Variants in MACROD2 observed in about 807,000 individuals in gnomAD.
MACROD2 encodes the protein ADP-ribose glycohydrolase MACROD2.
Under a neutral mutation model 70.4 loss-of-function variants are expected in MACROD2, and 36 were observed. The observed-to-expected ratio is 0.51, with a 90% CI of 0.39 to 0.68. MACROD2 has a LOEUF of 0.68. Ranked by LOEUF, MACROD2 falls within the 30% of genes least tolerant of loss-of-function variation. The pLI is 0.00. For missense variants in MACROD2, 496 were observed against 538.4 expected (o/e 0.92, Z 0.78); for synonymous variants, 172 against 178.8 (o/e 0.96, Z 0.30).
chr20:15,797,241 G>C (rs2063682642), intron 8 of MACROD2, among the ~76,000 whole-genome samples: 2 of 152,196 alleles, frequency 1.3e-5, no homozygotes, highest in South Asian at 4.1e-4. Context: ...AGCCTCCCTA[G>C]TAGCTGGGAC....
chr20:15,828,448 C>T (rs1415900526), intron 8 of MACROD2, among the ~76,000 whole-genome samples: 3 of 152,160 alleles, frequency 2.0e-5, no homozygotes, highest in South Asian at 2.1e-4. Flanking sequence ...TCAGATTCTA[C>T]TCTACTTCCG....
At chr20:14,085,538 T>A in intron 2 of MACROD2, 83 bp from the exon 3 acceptor site, 1 of 716,540 alleles carries the variant, frequency 1.4e-6, no homozygotes, top group Non-Finnish European at 2.1e-6. Flanking sequence ...ATATTGGGTC[T>A]TGTAGTAGTC....
intron 5 of MACROD2, among the ~76,000 whole-genome samples, chr20:15,029,490 A>G (rs1347253665): frequency 1.3e-5 from 2 of 152,184 alleles, no homozygotes; most frequent in African/African-American, 4.8e-5. Flanking sequence ...TAGAATTTTC[A>G]TATCTAACAA....
intron 5 of MACROD2, among the ~76,000 whole-genome samples, chr20:15,180,868 A>T (rs778724071): frequency 2.0e-5 from 3 of 152,242 alleles, no homozygotes; most frequent in Admixed American, 2.0e-4. Context: ...TTTTCTAGTT[A>T]TAATCATCAT....
chr20:15,803,499 A>C (rs1461433960), intron 8 of MACROD2, among the ~76,000 whole-genome samples: 2 of 152,176 alleles, frequency 1.3e-5, no homozygotes. Flanking sequence ...GTTGAGGAGG[A>C]GATCATTATG....
intron 3 of MACROD2, among the ~76,000 whole-genome samples, chr20:14,368,860 C>G (rs1399057630): frequency 6.6e-6 from 1 of 152,194 alleles, no homozygotes; most frequent in South Asian, 2.1e-4. Flanking sequence ...CAAAAAACCT[C>G]TCCTAATGTT....
intron 15 of MACROD2, among the ~76,000 whole-genome samples, chr20:16,007,405 A>G (rs2066803749): frequency 6.6e-6 from 1 of 152,180 alleles, no homozygotes; most frequent in African/African-American, 2.4e-5. Flanking sequence ...CAACACCTTC[A>G]CTTTATAACA....
In MACROD2 at chr20:13,995,643, A is replaced by C; in HGVS notation, c.-121A>C. ...GCGAGCGGCGAGCAGCGCAGGACGC[A>C]GAGCCTCTTTCACTTTTTCCCTGCT... On this transcript the variant is annotated 5_prime_UTR_variant, in exon 1 of 18. Coordinates refer to ENST00000684519, the MANE Select transcript of MACROD2 (RefSeq NM_001351661.2). This position sits in a 1 kb window ranked among gnomAD's most constrained non-coding sequence, Gnocchi z 4.3. 1.1e-6 allele frequency: 1 copy of C among 871,534 alleles called. No homozygotes were observed. Among genetic ancestry groups the C allele is most frequent in the Non-Finnish European group, 1.9e-6 (1 of 520,712 alleles). The allele number at this position is 871,534 out of a possible 1,614,324, so 54.0% of individuals were successfully genotyped here.
intron 5 of MACROD2, among the ~76,000 whole-genome samples, chr20:14,836,848 T>C (rs1190526649): frequency 6.6e-6 from 1 of 152,064 alleles, no homozygotes; most frequent in Non-Finnish European, 1.5e-5. Flanking sequence ...TTTGAAAATT[T>C]TATGATTCCA....
intron 6 of MACROD2, among the ~76,000 whole-genome samples, chr20:15,261,998 C>G (rs1158740536): frequency 6.6e-6 from 1 of 151,924 alleles, no homozygotes; most frequent in Non-Finnish European, 1.5e-5. Context: ...ATACTCACAT[C>G]AGGTTAAATG....
intron 5 of MACROD2, among the ~76,000 whole-genome samples, chr20:14,877,730 T>A (rs2073566379): frequency 6.6e-6 from 1 of 152,132 alleles, no homozygotes; most frequent in Admixed American, 6.6e-5. Context: ...ATTGAGAGGA[T>A]CATATGGTTT....
chr20:14,169,107 T>A (rs1243206026), intron 3 of MACROD2, among the ~76,000 whole-genome samples: 1 of 152,134 alleles, frequency 6.6e-6, no homozygotes, highest in African/African-American at 2.4e-5. Context: ...CAAAAATCCC[T>A]TGATCATCTC....
chr20:15,082,162 T>C (rs1456497136), intron 5 of MACROD2, among the ~76,000 whole-genome samples: 5 of 152,332 alleles, frequency 3.3e-5, no homozygotes, highest in African/African-American at 1.2e-4. Context: ...TGGGAGGTTA[T>C]CTGCTACAAG....
chr20:14,150,395 C>A (rs958711023), intron 3 of MACROD2, among the ~76,000 whole-genome samples: 5 of 152,146 alleles, frequency 3.3e-5, no homozygotes, highest in Admixed American at 1.3e-4. Context: ...ACTTAAAAAT[C>A]TTATCCCGTA....
intron 5 of MACROD2, among the ~76,000 whole-genome samples, chr20:15,115,325 G>A (rs2075984380): frequency 2.0e-5 from 3 of 152,078 alleles, no homozygotes; most frequent in African/African-American, 7.2e-5. Context: ...CCTCCCTTGG[G>A]TTCAAGTGAT....
In MACROD2 at chr20:15,178,125, C is replaced by T. The variant is rs145982975; in HGVS notation, c.419-51815C>T. Among the ~76,000 whole-genome samples the T allele has an allele frequency of 3.5e-3, 539 of 152,272 alleles. 2 individuals carry two copies. Among genetic ancestry groups the T allele is most frequent in the South Asian group, 0.025 (119 of 4,828 alleles). On this transcript the variant is annotated intron_variant, in intron 5 of 17. Transcript: ENST00000684519. ...AAATATGAGAGTGAATGTACTGCCTCAGGTTACTTAAAAGCCGAAGCAGTG... is the reference window on the plus strand; with the variant it reads ...AAATATGAGAGTGAATGTACTGCCTTAGGTTACTTAAAAGCCGAAGCAGTG...
At chr20:15,577,791 G>T (rs2146640176) in intron 8 of MACROD2, among the ~76,000 whole-genome samples, 1 of 152,114 alleles carries the variant, frequency 6.6e-6, no homozygotes, top group Admixed American at 6.5e-5. Context: ...TTCCCTCATT[G>T]TTTTCTCCCG....
At chr20:15,416,801 G>A (rs1190316299) in intron 6 of MACROD2, among the ~76,000 whole-genome samples, 1 of 152,150 alleles carries the variant, frequency 6.6e-6, no homozygotes, top group African/African-American at 2.4e-5. Context: ...TACTCGGGAG[G>A]CTGAGGCAGG....
chr20:15,276,817 CA>C (rs144306983), intron 6 of MACROD2, among the ~76,000 whole-genome samples: 6 of 152,286 alleles, frequency 3.9e-5, no homozygotes, highest in Admixed American at 1.3e-4. Flanking sequence ...CCAGAAGAGA[CA>C]AAAGAACTTT....
Sources: gnomAD v4.1 joint callset for allele counts (sites outside exome capture counted in the v4.1 genomes callset) on GRCh38, gnomAD v4.1.1 for gene constraint, Gnocchi (gnomAD v3.1) non-coding constraint, MANE v1.5 for transcripts, NCBI Gene and HGNC (gene_info 2026-07-23, HGNC 2026-07-21) for gene names.